Variants in BPIFB1 observed in about 807,000 individuals in gnomAD.
The protein encoded by BPIFB1 is BPI fold containing family B member 1, also known as BPI fold-containing family B member 1.
BPIFB1 carries 34 observed loss-of-function variants against 55.1 expected under a neutral mutation model. That is an observed-to-expected ratio of 0.62 (90% CI 0.47 to 0.82). The LOEUF (loss-of-function observed/expected upper bound fraction) is 0.82. Among genes scored for constraint, BPIFB1 ranks in the 40% least tolerant of loss-of-function variants. The pLI, the probability that BPIFB1 is intolerant of heterozygous loss-of-function variation, is 0.00. For synonymous variants in BPIFB1, 236 were observed against 245.3 expected, an observed-to-expected ratio of 0.96 and a Z score of 0.35; for missense variants, 532 against 593.1, an observed-to-expected ratio of 0.90 and a Z score of 1.07.
At chr20:33,306,546 G>T in intron 14 of BPIFB1, 1 of 312,012 alleles carries the variant, frequency 3.2e-6, no homozygotes, top group Middle Eastern at 1.0e-3. Flanking sequence ...TGAATGAGGG[G>T]TGGGAAGGGT....
intron 6 of BPIFB1, among the ~76,000 whole-genome samples, chr20:33,296,111 C>T (rs1193697260): frequency 6.6e-6 from 1 of 152,196 alleles, no homozygotes; most frequent in Non-Finnish European, 1.5e-5. Flanking sequence ...CTAGGCCCTA[C>T]CCCAGATTCA....
chr20:33,286,028 C>T lies in BPIFB1; in HGVS notation c.-41-5C>T, dbSNP rs1259653586. 4.4e-6 allele frequency: 7 copies of T among 1,588,830 alleles called. No homozygotes were observed. Among genetic ancestry groups the T allele is most frequent in the Non-Finnish European group, 6.0e-6 (7 of 1,157,842 alleles). On this transcript the variant is annotated splice_region_variant and splice_polypyrimidine_tract_variant and intron_variant, in intron 1 of 15. Transcript: ENST00000253354. ...CTGCCTCAGGTCCCTCTGTGCTCAC[C>T]CCAGGTCTGGCATCCTGCACTTGCT...
At chr20:33,284,390 G>C (rs1980197538) in intron 1 of BPIFB1, among the ~76,000 whole-genome samples, 1 of 152,084 alleles carries the variant, frequency 6.6e-6, no homozygotes, top group South Asian at 2.1e-4. Flanking sequence ...GCTTCCAGAG[G>C]CTATGCAATT....
rs1205806696 is a variant in BPIFB1, at chr20:33,303,081, T to TC, written c.1140+8dup. The TC allele has an allele frequency of 5.6e-6, 9 of 1,613,190 alleles. No homozygotes were observed. Among genetic ancestry groups the TC allele is most frequent in the Non-Finnish European group, 5.9e-6 (7 of 1,179,842 alleles). On this transcript the variant is annotated splice_region_variant and intron_variant, in intron 11 of 15. Coordinates refer to ENST00000253354, the MANE Select transcript of BPIFB1 (RefSeq NM_033197.3). ...TTTGTTCACCCTGGGCATCGTGAGT[T>TC]CAGTTGTCTGCGATATTGGCAGCAA...
intron 14 of BPIFB1, among the ~76,000 whole-genome samples, chr20:33,306,289 G>C (rs1981024085): frequency 1.3e-5 from 2 of 152,180 alleles, no homozygotes; most frequent in South Asian, 4.1e-4. Context: ...GACTTGCAGG[G>C]CTGGAAGGAG....
rs976417409 is a variant in BPIFB1, at chr20:33,309,406, G to A, written c.1396-302G>A. ...GCCCAAAGCAGGGGGTGATCAAGGC[G>A]GGTGCTAAGTGCAAATCCCACTTCT... On this transcript the variant is annotated intron_variant, in intron 15 of 15. Coordinates refer to ENST00000253354, the MANE Select transcript of BPIFB1 (RefSeq NM_033197.3). The surrounding 1 kb of genome is among the most constrained non-coding windows in gnomAD (Gnocchi z 4.4). Among the ~76,000 whole-genome samples, 3 of 152,170 alleles carry A rather than the reference G, an allele frequency of 2.0e-5. No individual in the cohort carries two copies. Among genetic ancestry groups the A allele is most frequent in the Admixed American group, 6.5e-5 (1 of 15,272 alleles).
chr20:33,288,733 G>A lies in BPIFB1; in HGVS notation c.116-8G>A. On this transcript the variant is annotated splice_polypyrimidine_tract_variant and splice_region_variant and intron_variant, in intron 2 of 15. Coordinates refer to ENST00000253354, the MANE Select transcript of BPIFB1 (RefSeq NM_033197.3). ...TCCTGGGCCCTAATCCCTGGGGTCT[G>A]CCTCCAGAGCTGACACAGGAGCTGA... The A allele has an allele frequency of 1.2e-6, 2 of 1,612,590 alleles. No individual in the cohort carries two copies. Among genetic ancestry groups the A allele is most frequent in the South Asian group, 2.2e-5 (2 of 90,878 alleles).
At chr20:33,300,824 A>C (rs1980821729) in intron 8 of BPIFB1, among the ~76,000 whole-genome samples, 1 of 152,108 alleles carries the variant, frequency 6.6e-6, no homozygotes, top group African/African-American at 2.4e-5. Context: ...CTGGGCTCAA[A>C]TGATCCTCCC....
chr20:33,300,395 T>C (rs189387176), intron 8 of BPIFB1, among the ~76,000 whole-genome samples: 1 of 152,310 alleles, frequency 6.6e-6, no homozygotes, highest in East Asian at 1.9e-4. Flanking sequence ...GAGCCTCAGT[T>C]TCCTTGTCTG....
At chr20:33,302,484 A>C in intron 10 of BPIFB1, 72 bp downstream of exon 10, 1 of 1,503,466 alleles carries the variant, frequency 6.7e-7, no homozygotes, top group Non-Finnish European at 9.3e-7. Context: ...GGGGAGGAGA[A>C]TCTAGTGGGA....
intron 12 of BPIFB1, among the ~76,000 whole-genome samples, chr20:33,304,565 C>T (rs1166236733): frequency 3.3e-5 from 5 of 152,158 alleles, no homozygotes; most frequent in African/African-American, 1.2e-4. Flanking sequence ...ATTGGGGCGC[C>T]CTTTGAAGGA....
In BPIFB1 at chr20:33,299,987, G is replaced by T. The variant is rs779202123; in HGVS notation, c.747+3G>T. On this transcript the variant is annotated splice_donor_region_variant and intron_variant, in intron 8 of 15. Coordinates refer to ENST00000253354, the MANE Select transcript of BPIFB1 (RefSeq NM_033197.3). ...ACACCATTCAGCTCTACCTGGGGGT[G>T]AGTGTCCCAGGACCTTGAGGGTGAA... The T allele has an allele frequency of 5.0e-6, 8 of 1,613,168 alleles. No individual in the cohort carries two copies. Among genetic ancestry groups the T allele is most frequent in the Non-Finnish European group, 6.8e-6 (8 of 1,179,200 alleles).
chr20:33,291,884 T>C (rs904121009), intron 5 of BPIFB1, 23 bp from the exon 6 acceptor site: 1 of 1,605,490 alleles, frequency 6.2e-7, no homozygotes, highest in African/African-American at 1.3e-5. Flanking sequence ...TCCTAATGTC[T>C]CTCGTGCTCT....
chr20:33,305,910 C>A, intron 13 of BPIFB1, 92 bp from the exon 14 acceptor site: 2 of 1,368,546 alleles, frequency 1.5e-6, no homozygotes, highest in Non-Finnish European at 2.1e-6. Context: ...CCAGCCACCT[C>A]ACCCATGGGG....
chr20:33,291,224 T>C (rs538071727), intron 5 of BPIFB1, 118 bp downstream of exon 5: 20 of 1,300,638 alleles, frequency 1.5e-5, no homozygotes, highest in Non-Finnish European at 2.1e-5. Context: ...AAGGGACTTA[T>C]CCCCTCCTGA....
Position 33,286,019 on chromosome 20 carries a change from T to A in BPIFB1, c.-41-14T>A. 1 of 1,565,310 alleles carries A rather than the reference T, an allele frequency of 6.4e-7. No individual in the cohort carries two copies. The highest frequency in any genetic ancestry group is 8.8e-7 in the Non-Finnish European group (1 of 1,137,070). ...TTGGCCCCTCTGCCTCAGGTCCCTC[T>A]GTGCTCACCCCAGGTCTGGCATCCT... is the stretch of plus-strand genomic sequence containing the variant. On this transcript the variant is annotated splice_polypyrimidine_tract_variant and intron_variant, in intron 1 of 15. Coordinates refer to ENST00000253354, the MANE Select transcript of BPIFB1 (RefSeq NM_033197.3).
chr20:33,290,031 G>A, intron 4 of BPIFB1, 39 bp downstream of exon 4: 1 of 1,485,130 alleles, frequency 6.7e-7, no homozygotes, highest in Non-Finnish European at 9.4e-7. Context: ...GGCTTGACAG[G>A]CTCATCTGCT....
At position 33,300,136 on chromosome 20, in the gene BPIFB1, A is replaced by G. The variant is rs1980800355; in HGVS notation, c.747+152A>G. ...CTAGAAAAATCACTGCAGGCTGAAT[A>G]TGTCCCATGCAAGTTTGTTTTGTTT... On this transcript the variant is annotated intron_variant, in intron 8 of 15. Transcript: ENST00000253354. 1.2e-5 allele frequency: 8 copies of G among 692,270 alleles called. No homozygotes were observed. The Admixed American group carries it at 1.8e-4, about 16-fold the overall frequency. 42.9% of individuals were successfully genotyped at this position (692,270 alleles called of 1,614,324 possible).
chr20:33,291,872 C>G (rs1268109155), intron 5 of BPIFB1, 35 bp from the exon 6 acceptor site: 1 of 1,583,544 alleles, frequency 6.3e-7, no homozygotes, highest in Non-Finnish European at 8.7e-7. Flanking sequence ...ATCTCTGACC[C>G]TTCCTAATGT....
Sources: gnomAD v4.1 joint callset for allele counts (sites outside exome capture counted in the v4.1 genomes callset) on GRCh38, gnomAD v4.1.1 for gene constraint, Gnocchi (gnomAD v3.1) non-coding constraint, MANE v1.5 for transcripts, NCBI Gene and HGNC (gene_info 2026-07-23, HGNC 2026-07-21) for gene names.